PTPRZ1: variants seen among roughly 807,000 people sequenced by gnomAD.
The protein encoded by PTPRZ1 is receptor-type tyrosine-protein phosphatase zeta.
A neutral mutation model predicts 214.1 loss-of-function variants in PTPRZ1; 82 were observed. That is an observed-to-expected ratio of 0.38 (90% CI 0.32 to 0.46). The LOEUF (loss-of-function observed/expected upper bound fraction) is 0.46, where lower values mean the gene tolerates loss of function less well. Among genes scored for constraint, PTPRZ1 ranks in the 20% least tolerant of loss-of-function variants. The pLI is 1.00. For missense variants in PTPRZ1, 2,603 were observed against 2,748.7 expected (o/e 0.95, Z 1.19); for synonymous variants, 945 against 987.9 (o/e 0.96, Z 0.81).
At position 121,873,371 on chromosome 7, in the gene PTPRZ1, A is replaced by G; in HGVS notation, c.-129A>G. On this transcript the variant is annotated 5_prime_UTR_variant, in exon 1 of 30. Coordinates refer to ENST00000393386, the MANE Select transcript of PTPRZ1 (RefSeq NM_002851.3). ...ACACAAACACACATACGCACGCACG[A>G]TCTCACTTCGATCTATACACTGGAG... 2 of 805,418 alleles carry G rather than the reference A, an allele frequency of 2.5e-6. No homozygotes were observed. The highest frequency in any genetic ancestry group is 4.0e-6 in the Non-Finnish European group (2 of 500,528). 49.9% of individuals were successfully genotyped at this position (805,418 alleles called of 1,614,324 possible).
chr7:122,056,579 G>A (rs1792354320), intron 27 of PTPRZ1, among the ~76,000 whole-genome samples: 1 of 151,760 alleles, frequency 6.6e-6, no homozygotes, highest in Admixed American at 6.6e-5. Context: ...TCAAAAGCTA[G>A]GGGCCTTTTA....
intron 1 of PTPRZ1, among the ~76,000 whole-genome samples, chr7:121,918,544 C>G (rs1795492519): frequency 6.6e-6 from 1 of 152,024 alleles, no homozygotes; most frequent in African/African-American, 2.4e-5. Flanking sequence ...CATGCAGTCT[C>G]TTGGAAGAAG....
At chr7:122,054,796 G>A (rs555723564) in intron 26 of PTPRZ1, 145 bp from the exon 27 acceptor site, 29 of 764,016 alleles carry the variant, frequency 3.8e-5, no homozygotes, top group South Asian at 2.0e-4. Flanking sequence ...TTGAAGGCAC[G>A]AGAAAGATGT....
At position 122,011,117 on chromosome 7, in the gene PTPRZ1, A is replaced by G; in HGVS notation, c.2071A>G (p.Lys691Glu). 6.2e-7 allele frequency: 1 copy of G among 1,614,054 alleles called. No homozygotes were observed. The highest frequency in any genetic ancestry group is 1.3e-5 in the African/African-American group (1 of 75,014). The change falls in exon 12 of 30, where the codon AAG (lysine) becomes GAG (glutamate). Residue 691 changes from lysine (K) to glutamate (E), a missense_variant. This residue lies in a region of PTPRZ1 where 1,913 missense variants were observed against 1,914.3 expected (regional missense o/e 1.00). Transcript: ENST00000393386. The stretch of plus-strand genomic sequence containing the variant: ...TGTTGATGAATCTGAGAAGACAACC[A>G]AGTCCTTTTCTGCAGGCCCAGTGAT... The part of the protein sequence containing the change: ...IRVDESEKTT[K>E]SFSAGPVMSQ...
intron 1 of PTPRZ1, among the ~76,000 whole-genome samples, chr7:121,876,736 A>G (rs1794074947): frequency 6.6e-6 from 1 of 152,050 alleles, no homozygotes; most frequent in Non-Finnish European, 1.5e-5. Flanking sequence ...CTTTTTACGT[A>G]TACTGTGGTT....
intron 8 of PTPRZ1, among the ~76,000 whole-genome samples, chr7:121,984,945 C>A (rs1221931156): frequency 6.6e-6 from 1 of 152,106 alleles, no homozygotes; most frequent in East Asian, 1.9e-4. Flanking sequence ...GGACTTCTAA[C>A]CTTTCCAAGT....
At position 122,012,380 on chromosome 7, in the gene PTPRZ1, G is replaced by GATC; in HGVS notation, c.3337_3339dup (p.His1113dup). On this transcript the variant is annotated inframe_insertion, in exon 12 of 30. Transcript: ENST00000393386. ...TGCTCATACCACCACTAAGGTTTTTGATCATGAGATTAGTCAAGTTCCAGA... is the reference window on the plus strand; with the variant it reads ...TGCTCATACCACCACTAAGGTTTTTGATCATCATGAGATTAGTCAAGTTCCAGA... 6.2e-7 allele frequency: 1 copy of GATC among 1,613,880 alleles called. No individual in the cohort carries two copies. Among genetic ancestry groups the GATC allele is most frequent in the Non-Finnish European group, 8.5e-7 (1 of 1,179,868 alleles).
rs548435501 is a variant in PTPRZ1, at chr7:121,981,602, A to G, written c.620-2063A>G. Among the ~76,000 whole-genome samples, 8 of 152,328 alleles carry G rather than the reference A, an allele frequency of 5.3e-5. No individual in the cohort carries two copies. In the East Asian group the frequency reaches 1.5e-3, roughly 29 times the overall value. On this transcript the variant is annotated intron_variant, in intron 6 of 29. Coordinates refer to ENST00000393386, the MANE Select transcript of PTPRZ1 (RefSeq NM_002851.3). The stretch of plus-strand genomic sequence containing the variant: ...AAATGACCAAGGTATTGCTATTGGT[A>G]AGTGCTATTGGACAGATACAAATGA...
intron 23 of PTPRZ1, among the ~76,000 whole-genome samples, chr7:122,045,829 A>G (rs1288925676): frequency 2.0e-5 from 3 of 152,098 alleles, no homozygotes; most frequent in Non-Finnish European, 4.4e-5. Flanking sequence ...AATATTAACT[A>G]TAAGGTCAGA....
At chr7:122,020,853 A>G (rs1030115809) in intron 13 of PTPRZ1, among the ~76,000 whole-genome samples, 1 of 151,792 alleles carries the variant, frequency 6.6e-6, no homozygotes, top group African/African-American at 2.4e-5. Context: ...TAAAGGGTTC[A>G]TGCTTAGCAG....
intron 10 of PTPRZ1, among the ~76,000 whole-genome samples, chr7:122,000,682 T>TTTG (rs1798294471): frequency 9.8e-6 from 1 of 102,050 alleles, no homozygotes; most frequent in Non-Finnish European, 2.0e-5. Flanking sequence ...TATATATATA[T>TTTG]ATATATATAT....
intron 23 of PTPRZ1, among the ~76,000 whole-genome samples, chr7:122,050,190 C>T (rs1449542883): frequency 1.3e-5 from 2 of 151,966 alleles, no homozygotes; most frequent in Non-Finnish European, 1.5e-5. Context: ...CACCAGTAAT[C>T]CCAATACTTT....
chr7:121,962,548 T>C (rs1483477448), intron 2 of PTPRZ1, among the ~76,000 whole-genome samples: 2 of 152,052 alleles, frequency 1.3e-5, no homozygotes, highest in Non-Finnish European at 2.9e-5. Context: ...AATGGTTCTT[T>C]TGTCTTTGTT....
intron 2 of PTPRZ1, among the ~76,000 whole-genome samples, chr7:121,966,224 T>C (rs1351332436): frequency 6.6e-6 from 1 of 152,182 alleles, no homozygotes; most frequent in Non-Finnish European, 1.5e-5. Context: ...AGGTTCCCAG[T>C]AGAGAGAATC....
chr7:121,885,797 A>G (rs560836524), intron 1 of PTPRZ1, among the ~76,000 whole-genome samples: 6 of 152,286 alleles, frequency 3.9e-5, no homozygotes, highest in African/African-American at 1.4e-4. Context: ...TTAGAATTCT[A>G]TAGCATCTGT....
chr7:121,992,390 A>G (rs1797995110), intron 8 of PTPRZ1, among the ~76,000 whole-genome samples: 1 of 152,118 alleles, frequency 6.6e-6, no homozygotes, highest in Non-Finnish European at 1.5e-5. Context: ...TTTCTTCATC[A>G]TTCAGTGCTT....
Position 122,017,906 on chromosome 7 carries a change from G to T in PTPRZ1, c.4844-1218G>T, listed in dbSNP as rs78497883. Among the ~76,000 whole-genome samples the T allele has an allele frequency of 5.8e-3, 877 of 151,934 alleles. 7 individuals are homozygous for T. The highest frequency in any genetic ancestry group is 0.02 in the African/African-American group (843 of 41,410). On this transcript the variant is annotated intron_variant, in intron 12 of 29. Transcript: ENST00000393386. ...CCCTTTATTAATGGATTAAATTCCTGTCCCTTTCTGCTATCACCCTTGATC... is the reference window on the plus strand; with the variant it reads ...CCCTTTATTAATGGATTAAATTCCTTTCCCTTTCTGCTATCACCCTTGATC...
chr7:122,013,902 T>C lies in PTPRZ1; in HGVS notation c.4843+13T>C. On this transcript the variant is annotated intron_variant, in intron 12 of 29. Coordinates refer to ENST00000393386, the MANE Select transcript of PTPRZ1 (RefSeq NM_002851.3). ...GTTTCAGAGGCAGGTTAGTTACGGA[T>C]CAGAAGGACAGATTGAGGTGTGGTG... 1.3e-6 allele frequency: 2 copies of C among 1,575,240 alleles called. No individual in the cohort carries two copies. The highest frequency in any genetic ancestry group is 1.7e-6 in the Non-Finnish European group (2 of 1,158,118).
intron 2 of PTPRZ1, among the ~76,000 whole-genome samples, chr7:121,943,619 TGAGC>T (rs1796295221): frequency 6.6e-6 from 1 of 152,202 alleles, no homozygotes; most frequent in Non-Finnish European, 1.5e-5. Flanking sequence ...ATTACAGGCG[TGAGC>T]CACTGCGCCC....
Sources: allele counts gnomAD v4.1 joint callset (sites outside exome capture counted in the v4.1 genomes callset), GRCh38; gene constraint gnomAD v4.1.1; regional missense constraint gnomAD v4.1.1; transcripts MANE v1.5; gene names NCBI Gene and HGNC (gene_info 2026-07-23, HGNC 2026-07-21).